Variants in SLC35F5 observed in about 807,000 individuals in gnomAD.
SLC35F5 encodes the protein HCV NS5A-transactivated protein 3.
A neutral mutation model predicts 68.6 loss-of-function variants in SLC35F5; 54 were observed. That is an observed-to-expected ratio of 0.79 (90% CI 0.63 to 0.99). The LOEUF (loss-of-function observed/expected upper bound fraction) is 0.99, where lower values mean the gene tolerates loss of function less well. Among genes scored for constraint, SLC35F5 ranks in the 50% least tolerant of loss-of-function variants. The probability of loss-of-function intolerance (pLI) is 0.00; values close to 1 mark genes in which losing one functional copy is unlikely to be tolerated. For missense variants in SLC35F5, 567 were observed against 626.9 expected, an observed-to-expected ratio of 0.90 and a Z score of 1.02; for synonymous variants, 211 against 205.2, an observed-to-expected ratio of 1.03 and a Z score of -0.24.
intron 7 of SLC35F5, among the ~76,000 whole-genome samples, chr2:113,738,542 A>T (rs537387574): frequency 6.6e-6 from 1 of 152,210 alleles, no homozygotes; most frequent in East Asian, 1.9e-4. Context: ...TATGATGAAC[A>T]CTGTAAAATA....
At chr2:113,705,611 G>T (rs1686780048), downstream of SLC35F5, 1 of 152,054 alleles carries the variant, frequency 6.6e-6, no homozygotes, top group Non-Finnish European at 1.5e-5. Flanking sequence ...TAAAGGTTAG[G>T]ATTGACAAAT....
intron 3 of SLC35F5, among the ~76,000 whole-genome samples, chr2:113,752,530 C>T (rs1347082938): frequency 6.6e-6 from 1 of 152,086 alleles, no homozygotes; most frequent in Non-Finnish European, 1.5e-5. Context: ...AGACTTTACA[C>T]CTAACTACCA....
intron 11 of SLC35F5, 47 bp from the exon 12 acceptor site, chr2:113,725,584 T>C: frequency 1.3e-6 from 2 of 1,484,824 alleles, no homozygotes; most frequent in South Asian, 2.7e-5. Context: ...TTTATTTCTA[T>C]TTTCCAAGCT....
At chr2:113,718,865 A>AAAAGAAAGAAAGAAAGAAAGAAAG (rs765844454) in intron 14 of SLC35F5, among the ~76,000 whole-genome samples, 1 of 123,406 alleles carries the variant, frequency 8.1e-6, no homozygotes, top group Non-Finnish European at 1.7e-5. Context: ...GAGAGAAAGA[A>AAAAGAAAGAAAGAAAGAAAGAAAG]AAAGAAAGAA....
At position 113,713,396 on chromosome 2, in the gene SLC35F5, T is replaced by A. The variant is rs1485909106; in HGVS notation, c.*1822A>T. 1 of 152,206 alleles carries A rather than the reference T, an allele frequency of 6.6e-6. No individual in the cohort carries two copies. Among genetic ancestry groups the A allele is most frequent in the Non-Finnish European group, 1.5e-5 (1 of 68,034 alleles). The allele number at this position is 152,206 out of a possible 1,614,324, so 9.4% of individuals were successfully genotyped here. ...ACCAAAAGATTCTAAGCTCAGCCTC[T>A]TTCCCTATAGTATTTACAGAATAAT... On this transcript the variant is annotated 3_prime_UTR_variant, in exon 16 of 16. Transcript: ENST00000245680.
rs1677001174 is a variant in SLC35F5 at position 113,756,528 on chromosome 2, G to A, written c.-119C>T. Reference sequence around the variant, plus strand: ...GAGGCCCAGCTCCTGAAGACGCGGTGCCCCTCAGGGAGAGGCTCCCGACAC... The same window carrying A: ...GAGGCCCAGCTCCTGAAGACGCGGTACCCCTCAGGGAGAGGCTCCCGACAC... On this transcript the variant is annotated 5_prime_UTR_variant, in exon 1 of 16. Transcript: ENST00000245680. 1.3e-6 allele frequency: 2 copies of A among 1,492,846 alleles called. No individual in the cohort carries two copies. The highest frequency in any genetic ancestry group is 2.1e-5 in the Admixed American group (1 of 46,948). 92.5% of individuals were successfully genotyped at this position (1,492,846 alleles called of 1,614,324 possible).
rs11892482 is a variant in SLC35F5 at position 113,723,286 on chromosome 2, G to A, written c.1251-92C>T. 565 of 708,318 alleles carry A rather than the reference G, an allele frequency of 8.0e-4. 2 individuals are homozygous for A. The African/African-American group carries it at 9.5e-3, about 12-fold the overall frequency. 43.9% of individuals were successfully genotyped at this position (708,318 alleles called of 1,614,324 possible). A position where few individuals can be genotyped will look rare whatever the true frequency, so the allele number is the denominator to read the frequency against. Reference sequence around the variant, plus strand: ...ACTTTCTATCCTATAATATAGGCCTGTGAGATCAGGAGCAAAGATAAGAGG... The same window carrying A: ...ACTTTCTATCCTATAATATAGGCCTATGAGATCAGGAGCAAAGATAAGAGG... On this transcript the variant is annotated intron_variant, in intron 12 of 15. Coordinates refer to ENST00000245680, the MANE Select transcript of SLC35F5 (RefSeq NM_025181.5).
rs1687063015 is a variant in SLC35F5, at chr2:113,713,451, C to T, written c.*1767G>A. On this transcript the variant is annotated 3_prime_UTR_variant, in exon 16 of 16. Transcript: ENST00000245680. ...AATTTCAGTTTCACCTCCACTACTT[C>T]AACGATTTTACCCTGTAAATTGCTG... 6.6e-6 allele frequency: 1 copy of T among 152,176 alleles called. No homozygotes were observed. The highest frequency in any genetic ancestry group is 1.5e-5 in the Non-Finnish European group (1 of 68,026). The allele number at this position is 152,176 out of a possible 1,614,324, so 9.4% of individuals were successfully genotyped here.
intron 7 of SLC35F5, among the ~76,000 whole-genome samples, chr2:113,741,698 T>TCAAA (rs201668517): frequency 1.1e-5 from 1 of 91,928 alleles, no homozygotes; most frequent in Non-Finnish European, 2.2e-5. Flanking sequence ...CGAAACTCCA[T>TCAAA]TAAAAAAAAA....
intron 3 of SLC35F5, among the ~76,000 whole-genome samples, chr2:113,751,674 G>A (rs971008730): frequency 1.3e-5 from 2 of 151,928 alleles, no homozygotes; most frequent in Non-Finnish European, 2.9e-5. Context: ...GCAGTACATG[G>A]GGGCACCTGC....
chr2:113,751,584 T>C, intron 3 of SLC35F5, among the ~76,000 whole-genome samples: 1 of 151,336 alleles, frequency 6.6e-6, no homozygotes, highest in East Asian at 2.0e-4. Flanking sequence ...CCGAGGCGGG[T>C]GGATCACTTG....
chr2:113,737,982 A>T (rs1450941773), intron 7 of SLC35F5, among the ~76,000 whole-genome samples: 1 of 151,360 alleles, frequency 6.6e-6, no homozygotes, highest in African/African-American at 2.5e-5. Flanking sequence ...AATATTTGAT[A>T]AAAATAGTGT....
intron 1 of SLC35F5, 101 bp from the exon 2 acceptor site, chr2:113,755,645 A>G (rs1676950127): frequency 8.2e-7 from 1 of 1,220,734 alleles, no homozygotes; most frequent in Admixed American, 2.0e-5. Flanking sequence ...AAAGCAAATC[A>G]ATGAAAAGGA....
intron 7 of SLC35F5, among the ~76,000 whole-genome samples, chr2:113,741,003 A>C (rs1676251233): frequency 6.6e-6 from 1 of 152,210 alleles, no homozygotes. Flanking sequence ...CTATTTTTTA[A>C]AGACCATTTA....
rs1364710777 is a variant in SLC35F5, at chr2:113,709,168, T to C, written c.*6050A>G. Among the ~76,000 whole-genome samples, 1 of 152,142 alleles carries C rather than the reference T, an allele frequency of 6.6e-6. No individual in the cohort carries two copies. Among genetic ancestry groups the C allele is most frequent in the East Asian group, 1.9e-4 (1 of 5,194 alleles). On this transcript the variant is annotated 3_prime_UTR_variant, in exon 16 of 16. Transcript: ENST00000245680. ...AGGTGTTTGGCATTGTCTCTGGAAC[T>C]ACAAAACTATGGCCTATGTGGTGTC...
At chr2:113,722,249 C>T (rs1687472732) in intron 13 of SLC35F5, among the ~76,000 whole-genome samples, 1 of 152,154 alleles carries the variant, frequency 6.6e-6, no homozygotes, top group African/African-American at 2.4e-5. Flanking sequence ...GCTGGGATTA[C>T]AGGCGTGAGC....
At chr2:113,753,790 A>T (rs1003490254) in intron 3 of SLC35F5, among the ~76,000 whole-genome samples, 6 of 152,142 alleles carry the variant, frequency 3.9e-5, no homozygotes, top group Admixed American at 2.6e-4. Context: ...TTTTGTCCTA[A>T]ATTTTATTAA....
At chr2:113,704,296 A>G (rs1686755335), downstream of SLC35F5, among the ~76,000 whole-genome samples, 1 of 152,122 alleles carries the variant, frequency 6.6e-6, no homozygotes, top group African/African-American at 2.4e-5. Flanking sequence ...TGCGTTTACA[A>G]TCCCTGAGCT....
At position 113,707,616 on chromosome 2, in the gene SLC35F5, G is replaced by A. The variant is rs1373592727; in HGVS notation, c.*7602C>T. On this transcript the variant is annotated 3_prime_UTR_variant, in exon 16 of 16. Transcript: ENST00000245680. ...GCTCTGTCACCCAGGCTGGAGTGCAGTGGTGTGATCTCAGCTCACTGCAAC... is the reference window on the plus strand; with the variant it reads ...GCTCTGTCACCCAGGCTGGAGTGCAATGGTGTGATCTCAGCTCACTGCAAC... 6.6e-6 allele frequency among the ~76,000 whole-genome samples: 1 copy of A among 152,170 alleles called. No homozygotes were observed. The highest frequency in any genetic ancestry group is 2.4e-5 in the African/African-American group (1 of 41,436).
Sources: gnomAD v4.1 joint callset for allele counts (sites outside exome capture counted in the v4.1 genomes callset) on GRCh38, gnomAD v4.1.1 for gene constraint, MANE v1.5 for transcripts, NCBI Gene and HGNC (gene_info 2026-07-23, HGNC 2026-07-21) for gene names.